The following PCDH15 variants were observed in gnomAD, a reference collection of about 807,000 sequenced individuals.
The protein encoded by PCDH15 is protocadherin related 15.
In PCDH15, 129 loss-of-function variants were observed where a neutral mutation model predicts 178.5. That is an observed-to-expected ratio of 0.72 (90% CI 0.63 to 0.84). The LOEUF (loss-of-function observed/expected upper bound fraction) is 0.84. Among genes scored for constraint, PCDH15 ranks in the 40% least tolerant of loss-of-function variants. PCDH15 has a pLI of 0.00. For synonymous variants in PCDH15, 800 were observed against 732.0 expected (o/e 1.09, Z -1.50); for missense variants, 2,230 against 2,099.9 (o/e 1.06, Z -1.21).
chr10:55,081,640 C>T (rs972078265), intron 2 of PCDH15, among the ~76,000 whole-genome samples: 1 of 152,216 alleles, frequency 6.6e-6, no homozygotes, highest in South Asian at 2.1e-4. Flanking sequence ...GCTCCCTTGC[C>T]CTTTCGCTAT....
chr10:55,255,214 G>C (rs1456056245), intron 1 of PCDH15, among the ~76,000 whole-genome samples: 11 of 121,658 alleles, frequency 9.0e-5, no homozygotes, highest in African/African-American at 2.0e-4. Context: ...TTGGTTTTTT[G>C]TCCTTGTGAT....
At chr10:55,247,376 G>T (rs970208592) in intron 1 of PCDH15, among the ~76,000 whole-genome samples, 10 of 152,162 alleles carry the variant, frequency 6.6e-5, no homozygotes, top group South Asian at 2.1e-4. Context: ...AGTCAAACAG[G>T]CCATGTTTAT....
chr10:55,487,889 C>T (rs1358928900), intron 2 of PCDH15, among the ~76,000 whole-genome samples: 1 of 151,332 alleles, frequency 6.6e-6, no homozygotes, highest in Non-Finnish European at 1.5e-5. Context: ...AGCCTATACT[C>T]AAGTTAAAAA....
chr10:53,806,358 T>TATTTA lies in PCDH15; in HGVS notation c.*216_*220dup. The TATTTA allele has an allele frequency of 2.1e-6, 1 of 482,328 alleles. No homozygotes were observed. The highest frequency in any genetic ancestry group is 3.7e-5 in the South Asian group (1 of 26,820). The allele number at this position is 482,328 out of a possible 1,614,324, so 29.9% of individuals were successfully genotyped here. A position where few individuals can be genotyped will look rare whatever the true frequency, so the allele number is the denominator to read the frequency against. On this transcript the variant is annotated 3_prime_UTR_variant, in exon 38 of 38. Coordinates refer to ENST00000644397, the MANE Select transcript of PCDH15 (RefSeq NM_001384140.1). Reference sequence around the variant, plus strand: ...ACAGCTAAATGTTTAAACGATAGGTTATTTAGTGAAAGTATGTCCAAAAGG... The same window carrying TATTTA: ...ACAGCTAAATGTTTAAACGATAGGTTATTTAATTTAGTGAAAGTATGTCCAAAAGG...
intron 1 of PCDH15, among the ~76,000 whole-genome samples, chr10:55,315,844 C>T (rs1204164560): frequency 1.3e-5 from 2 of 151,952 alleles, no homozygotes; most frequent in African/African-American, 4.8e-5. Flanking sequence ...GGTGAAACTC[C>T]GTCTCTACTA....
At chr10:54,630,735 G>A (rs1176161509) in intron 2 of PCDH15, among the ~76,000 whole-genome samples, 2 of 152,102 alleles carry the variant, frequency 1.3e-5, no homozygotes, top group Non-Finnish European at 2.9e-5. Flanking sequence ...GGAATGGAAG[G>A]AAATATTCAT....
chr10:54,193,005 ACAGAACCAGGAGTCAAGC>A (rs1279377799), intron 11 of PCDH15, among the ~76,000 whole-genome samples: 1 of 152,208 alleles, frequency 6.6e-6, no homozygotes, highest in Non-Finnish European at 1.5e-5. Context: ...CTATTACATG[ACAGAACCAGGAGTCAAGC>A]CAAGATCTGT....
At chr10:55,528,626 T>C (rs959174366) in intron 2 of PCDH15, among the ~76,000 whole-genome samples, 13 of 152,168 alleles carry the variant, frequency 8.5e-5, no homozygotes, top group Non-Finnish European at 1.5e-4. Flanking sequence ...CAGTCTTTCA[T>C]TGTTGGACAT....
At chr10:54,427,269 GTTTTTT>G in intron 3 of PCDH15, among the ~76,000 whole-genome samples, 1 of 56,758 alleles carries the variant, frequency 1.8e-5, no homozygotes, top group African/African-American at 8.3e-5. Flanking sequence ...TCTTTTTCTG[GTTTTTT>G]TTTTTTTTTT....
At chr10:54,953,966 T>C (rs1187975243) in intron 2 of PCDH15, among the ~76,000 whole-genome samples, 1 of 151,260 alleles carries the variant, frequency 6.6e-6, no homozygotes, top group African/African-American at 2.4e-5. Context: ...TTCTGGTACT[T>C]TAAGTGTTAA....
At chr10:54,096,435 G>GT (rs1279575201) in intron 15 of PCDH15, among the ~76,000 whole-genome samples, 2 of 151,874 alleles carry the variant, frequency 1.3e-5, no homozygotes, top group Admixed American at 6.6e-5. Flanking sequence ...CATACTTCCT[G>GT]TTTTTTGCTC....
At chr10:55,390,290 A>G (rs1040977723) in intron 2 of PCDH15, among the ~76,000 whole-genome samples, 4 of 152,150 alleles carry the variant, frequency 2.6e-5, no homozygotes, top group African/African-American at 7.2e-5. Flanking sequence ...AGTGAATCCT[A>G]ATCTTTTTTG....
At chr10:55,211,360 A>G (rs1334582217) in intron 1 of PCDH15, among the ~76,000 whole-genome samples, 1 of 152,178 alleles carries the variant, frequency 6.6e-6, no homozygotes, top group East Asian at 1.9e-4. Context: ...GTGTTAAAAC[A>G]TAATGCTTTT....
intron 2 of PCDH15, among the ~76,000 whole-genome samples, chr10:55,518,999 C>G (rs1046602485): frequency 3.5e-5 from 5 of 142,478 alleles, no homozygotes; most frequent in African/African-American, 1.3e-4. Context: ...GAGCCTGAGG[C>G]AGAAGAATCA....
chr10:55,267,038 G>T (rs2132242286), intron 1 of PCDH15, among the ~76,000 whole-genome samples: 1 of 152,234 alleles, frequency 6.6e-6, no homozygotes, highest in African/African-American at 2.4e-5. Context: ...GATGCAAGCT[G>T]CACTACCATC....
At chr10:54,439,080 A>C (rs1284188954) in intron 3 of PCDH15, among the ~76,000 whole-genome samples, 1 of 152,048 alleles carries the variant, frequency 6.6e-6, no homozygotes, top group Non-Finnish European at 1.5e-5. Flanking sequence ...CTGAGACATA[A>C]GGAAATTCTG....
intron 2 of PCDH15, among the ~76,000 whole-genome samples, chr10:54,575,618 G>A (rs993168470): frequency 6.6e-6 from 1 of 151,988 alleles, no homozygotes; most frequent in African/African-American, 2.4e-5. Context: ...CTTTTTAAAT[G>A]TCTTGTTCTA....
At chr10:55,285,679 A>G (rs1311644993) in intron 1 of PCDH15, among the ~76,000 whole-genome samples, 1 of 151,782 alleles carries the variant, frequency 6.6e-6, no homozygotes, top group Non-Finnish European at 1.5e-5. Flanking sequence ...ATGAAACGTA[A>G]GTTCTCAACA....
intron 1 of PCDH15, among the ~76,000 whole-genome samples, chr10:54,737,885 T>C (rs914994173): frequency 4.6e-5 from 7 of 151,978 alleles, no homozygotes; most frequent in Non-Finnish European, 1.0e-4. Context: ...CAAAGCAAAA[T>C]AAATATCTAT....
Sources: allele counts gnomAD v4.1 joint callset (sites outside exome capture counted in the v4.1 genomes callset), GRCh38; gene constraint gnomAD v4.1.1; transcripts MANE v1.5; gene names NCBI Gene and HGNC (gene_info 2026-07-23, HGNC 2026-07-21).